Variants in KCNH7 observed in about 807,000 individuals in gnomAD.
KCNH7 encodes the protein potassium voltage-gated channel subfamily H member 7.
A neutral mutation model predicts 120.8 loss-of-function variants in KCNH7; 49 were observed. The ratio of observed to expected loss-of-function variants is 0.41; its 90% CI spans 0.32 to 0.51. The LOEUF is 0.51. Among genes scored for constraint, KCNH7 ranks in the 20% least tolerant of loss-of-function variants. The pLI is 0.38. For missense variants in KCNH7, 1,097 were observed against 1,446.6 expected, an observed-to-expected ratio of 0.76 and a Z score of 3.92; for synonymous variants, 547 against 516.1, an observed-to-expected ratio of 1.06 and a Z score of -0.81.
At chr2:162,784,991 A>G (rs1253709445) in intron 2 of KCNH7, 4 of 152,244 alleles carry the variant, frequency 2.6e-5, no homozygotes, top group Non-Finnish European at 5.9e-5. Flanking sequence ...TAACCTCCAC[A>G]GAAATTATGA....
chr2:162,449,931 C>G (rs539646829), intron 6 of KCNH7, among the ~76,000 whole-genome samples: 1 of 152,080 alleles, frequency 6.6e-6, no homozygotes, highest in Non-Finnish European at 1.5e-5. Flanking sequence ...TCATTACTAA[C>G]TCAATATCTG....
chr2:162,696,264 G>C (rs912866996), intron 2 of KCNH7, among the ~76,000 whole-genome samples: 1 of 152,114 alleles, frequency 6.6e-6, no homozygotes, highest in African/African-American at 2.4e-5. Flanking sequence ...GATAGAACTG[G>C]AGATTTACTA....
chr2:162,595,648 A>G (rs1171825957), intron 2 of KCNH7, among the ~76,000 whole-genome samples: 1 of 152,016 alleles, frequency 6.6e-6, no homozygotes, highest in Non-Finnish European at 1.5e-5. Flanking sequence ...CTTTTCCCCT[A>G]AGATCAGGAA....
Position 162,396,727 on chromosome 2 carries a change from A to C in KCNH7, c.2613+13T>G. ...GTCAGAAATACAGACATAAGCAAAC[A>C]GTTAACATATACCTTTGCGCTCTCA... On this transcript the variant is annotated intron_variant, in intron 11 of 15. Coordinates refer to ENST00000332142, the MANE Select transcript of KCNH7 (RefSeq NM_033272.4). 6.3e-7 allele frequency: 1 copy of C among 1,575,666 alleles called. No individual in the cohort carries two copies. Among genetic ancestry groups the C allele is most frequent in the Non-Finnish European group, 8.7e-7 (1 of 1,148,528 alleles).
intron 15 of KCNH7, among the ~76,000 whole-genome samples, chr2:162,372,691 CCGAACATCTAA>C: frequency 6.6e-6 from 1 of 152,024 alleles, no homozygotes; most frequent in African/African-American, 2.4e-5. Flanking sequence ...AATTAAATTC[CCGAACATCTAA>C]AAAAGTTTTA....
chr2:162,376,999 G>T lies in KCNH7; in HGVS notation c.3131+2854C>A, dbSNP rs529223267. 5.3e-5 allele frequency among the ~76,000 whole-genome samples: 8 copies of T among 152,212 alleles called. No individual in the cohort carries two copies. In the South Asian group the frequency reaches 1.7e-3, roughly 32 times the overall value. ...ATTTTATTTGTTTTTATTGTGTTTTGTACTTAATATGTGTATTTGAATGAG... is the reference window on the plus strand; with the variant it reads ...ATTTTATTTGTTTTTATTGTGTTTTTTACTTAATATGTGTATTTGAATGAG... On this transcript the variant is annotated intron_variant, in intron 14 of 15. Transcript: ENST00000332142.
chr2:162,587,265 C>T (rs1286005839), intron 2 of KCNH7, among the ~76,000 whole-genome samples: 1 of 152,078 alleles, frequency 6.6e-6, no homozygotes, highest in Non-Finnish European at 1.5e-5. Context: ...TTATAAGGTT[C>T]AGATATTATT....
chr2:162,406,144 T>C (rs1200912395), intron 9 of KCNH7, among the ~76,000 whole-genome samples: 1 of 152,000 alleles, frequency 6.6e-6, no homozygotes, highest in East Asian at 1.9e-4. Flanking sequence ...CAAAACACTC[T>C]TATGGTGGTT....
intron 8 of KCNH7, among the ~76,000 whole-genome samples, chr2:162,428,703 G>A (rs1034315872): frequency 1.3e-5 from 2 of 151,692 alleles, no homozygotes; most frequent in African/African-American, 4.8e-5. Context: ...TTTCCTTCAT[G>A]TAATTTAAAG....
At chr2:162,511,732 T>C (rs1014979090) in intron 5 of KCNH7, among the ~76,000 whole-genome samples, 4 of 151,738 alleles carry the variant, frequency 2.6e-5, no homozygotes, top group African/African-American at 9.7e-5. Flanking sequence ...GAAATCAATA[T>C]ACAAAATTGC....
Position 162,426,806 on chromosome 2 carries a change from A to G in KCNH7, c.1955-3271T>C, listed in dbSNP as rs1478648951. On this transcript the variant is annotated intron_variant, in intron 8 of 15. Coordinates refer to ENST00000332142, the MANE Select transcript of KCNH7 (RefSeq NM_033272.4). ...GACAAATGTATACACCTCTGTAAACATGATCATGATATAGAACATTTTCTT... is the reference window on the plus strand; with the variant it reads ...GACAAATGTATACACCTCTGTAAACGTGATCATGATATAGAACATTTTCTT... 3.9e-5 allele frequency among the ~76,000 whole-genome samples: 6 copies of G among 152,296 alleles called. No individual in the cohort carries two copies. The Middle Eastern group carries it at 0.017, about 432-fold the overall frequency.
intron 2 of KCNH7, among the ~76,000 whole-genome samples, chr2:162,686,244 TA>T (rs1201608555): frequency 2.0e-5 from 3 of 151,996 alleles, no homozygotes; most frequent in Admixed American, 2.0e-4. Context: ...AAGCCCAAAT[TA>T]AAAAACATGT....
At chr2:162,740,811 T>C (rs1688100382) in intron 2 of KCNH7, among the ~76,000 whole-genome samples, 1 of 152,150 alleles carries the variant, frequency 6.6e-6, no homozygotes, top group Non-Finnish European at 1.5e-5. Flanking sequence ...CAACTGCAAT[T>C]TCCTTTCCTC....
At chr2:162,499,575 A>G (rs1171659160) in intron 6 of KCNH7, among the ~76,000 whole-genome samples, 1 of 152,178 alleles carries the variant, frequency 6.6e-6, no homozygotes, top group Non-Finnish European at 1.5e-5. Flanking sequence ...CAGAAGACCA[A>G]TAAGGCCAAA....
intron 3 of KCNH7, among the ~76,000 whole-genome samples, chr2:162,532,280 G>A (rs560203385): frequency 6.6e-6 from 1 of 151,962 alleles, no homozygotes; most frequent in East Asian, 2.0e-4. Flanking sequence ...CTGGAGTGTT[G>A]GGACACTTAT....
intron 2 of KCNH7, among the ~76,000 whole-genome samples, chr2:162,697,217 G>T (rs1446513771): frequency 1.3e-5 from 2 of 152,100 alleles, no homozygotes; most frequent in African/African-American, 2.4e-5. Flanking sequence ...TGCCAGAGGG[G>T]TGGAACTGAG....
intron 12 of KCNH7, among the ~76,000 whole-genome samples, chr2:162,393,568 A>G (rs10208369): frequency 0.024 from 3,683 of 152,064 alleles, 136 homozygotes; most frequent in African/African-American, 0.084. Flanking sequence ...GAAGTATTAC[A>G]GACGCAAAGA....
intron 7 of KCNH7, among the ~76,000 whole-genome samples, chr2:162,436,244 T>A (rs894725311): frequency 1.3e-5 from 2 of 152,034 alleles, no homozygotes; most frequent in Non-Finnish European, 2.9e-5. Flanking sequence ...ACCATCTGTA[T>A]AATGAGAAGG....
At chr2:162,783,742 C>T (rs1308643170) in intron 2 of KCNH7, among the ~76,000 whole-genome samples, 1 of 152,116 alleles carries the variant, frequency 6.6e-6, no homozygotes, top group Non-Finnish European at 1.5e-5. Flanking sequence ...GCAGTATCCT[C>T]TAGAGACAAC....
Sources: gnomAD v4.1 joint callset for allele counts (sites outside exome capture counted in the v4.1 genomes callset) on GRCh38, gnomAD v4.1.1 for gene constraint, MANE v1.5 for transcripts, NCBI Gene and HGNC (gene_info 2026-07-23, HGNC 2026-07-21) for gene names.